The following MIPEP variants were observed in gnomAD, a reference collection of about 807,000 sequenced individuals.
The protein encoded by MIPEP is mitochondrial intermediate peptidase.
A neutral mutation model predicts 90.3 loss-of-function variants in MIPEP; 79 were observed. That is an observed-to-expected ratio of 0.87 (90% confidence interval 0.73 to 1.05). The LOEUF is 1.05. MIPEP is among the 50% of genes least tolerant of loss of function. MIPEP has a pLI of 0.00. For missense variants in MIPEP, 940 were observed against 905.6 expected (o/e 1.04, Z -0.49); for synonymous variants, 334 against 315.8 (o/e 1.06, Z -0.61).
rs117783455 is a variant in MIPEP, at chr13:23,814,623, C to A, written c.1654-4699G>T. Among the ~76,000 whole-genome samples, 5 of 152,220 alleles carry A rather than the reference C, an allele frequency of 3.3e-5. No homozygotes were observed. In the East Asian group the frequency reaches 9.6e-4, roughly 29 times the overall value. On this transcript the variant is annotated intron_variant, in intron 14 of 18. Coordinates refer to ENST00000382172, the MANE Select transcript of MIPEP (RefSeq NM_005932.4). Reference sequence around the variant, plus strand: ...TATTAAGAATGCTATAAATCAAGAACGTTTATATTAGCTAATTATGGTAAA... The same window carrying A: ...TATTAAGAATGCTATAAATCAAGAAAGTTTATATTAGCTAATTATGGTAAA...
rs926918993 is a variant in MIPEP at position 23,809,940 on chromosome 13, G to T, written c.1654-16C>A. 6.4e-7 allele frequency: 1 copy of T among 1,566,760 alleles called. No individual in the cohort carries two copies. On this transcript the variant is annotated splice_polypyrimidine_tract_variant and intron_variant, in intron 14 of 18. Transcript: ENST00000382172. ...TTGGCAGTGGCTTGATAAAACAAAA[G>T]AATATATATGTGAGTAAACTGCGTA... is the stretch of plus-strand genomic sequence containing the variant.
At position 23,862,376 on chromosome 13, in the gene MIPEP, T is replaced by C. The variant is rs1290003531; in HGVS notation, c.993-14A>G. The C allele has an allele frequency of 4.0e-6, 6 of 1,510,650 alleles. No individual in the cohort carries two copies. The South Asian group carries it at 7.2e-5, about 18-fold the overall frequency. 93.6% of individuals were successfully genotyped at this position (1,510,650 alleles called of 1,614,324 possible). On this transcript the variant is annotated splice_polypyrimidine_tract_variant and intron_variant, in intron 8 of 18. Coordinates refer to ENST00000382172, the MANE Select transcript of MIPEP (RefSeq NM_005932.4). The stretch of plus-strand genomic sequence containing the variant: ...TCTTTCAGAGTTCTATAAAACAGGT[T>C]TATCATTACTTGTTAGGACAAAATT...
chr13:23,869,150 C>G, intron 7 of MIPEP, 142 bp downstream of exon 7: 1 of 721,438 alleles, frequency 1.4e-6, no homozygotes. Context: ...AAAATGGTTC[C>G]TATAAAAATA....
At chr13:23,758,033 A>G (rs2098526574) in intron 17 of MIPEP, among the ~76,000 whole-genome samples, 1 of 152,194 alleles carries the variant, frequency 6.6e-6, no homozygotes, top group South Asian at 2.1e-4. Context: ...ATAGCATTAC[A>G]GTATCAAAAA....
chr13:23,852,475 T>A (rs1869839554), intron 10 of MIPEP, among the ~76,000 whole-genome samples: 1 of 152,160 alleles, frequency 6.6e-6, no homozygotes, highest in African/African-American at 2.4e-5. Context: ...CTACAGTGGG[T>A]GGTCCCTTGA....
intron 18 of MIPEP, among the ~76,000 whole-genome samples, chr13:23,736,167 G>A (rs909057520): frequency 6.6e-6 from 1 of 152,112 alleles, no homozygotes; most frequent in Non-Finnish European, 1.5e-5. Context: ...ATTTCACTCT[G>A]GAAATCACCT....
At chr13:23,835,241 G>A (rs1360882372) in intron 14 of MIPEP, among the ~76,000 whole-genome samples, 1 of 151,588 alleles carries the variant, frequency 6.6e-6, no homozygotes, top group Non-Finnish European at 1.5e-5. Context: ...GGCTGGTCTC[G>A]AACTCCCAAG....
chr13:23,788,147 G>A (rs767270228), intron 16 of MIPEP, among the ~76,000 whole-genome samples: 4 of 152,212 alleles, frequency 2.6e-5, no homozygotes, highest in Non-Finnish European at 5.9e-5. Context: ...CCACGTGTGT[G>A]ATCAATATTT....
chr13:23,785,648 A>G (rs1319107350), intron 16 of MIPEP, among the ~76,000 whole-genome samples: 1 of 151,506 alleles, frequency 6.6e-6, no homozygotes, highest in Admixed American at 6.6e-5. Flanking sequence ...AGAAAAAAAG[A>G]AAGAAGTCCT....
Position 23,836,279 on chromosome 13 carries a change from T to C in MIPEP, c.1614A>G (p.Arg538=). The change falls in exon 14 of 19, where the codon CGA becomes CGG. Residue 538 remains arginine, a synonymous_variant. Transcript: ENST00000382172. ...AATGTCTGGCAAATTGGTTAACTAC[T>C]CGATAATCATTTGCAAAGTACTCCA... ...ILMEYFANDY[R]VVNQFARHYQ... The C allele has an allele frequency of 6.2e-7, 1 of 1,606,996 alleles. No individual in the cohort carries two copies. Among genetic ancestry groups the C allele is most frequent in the South Asian group, 1.1e-5 (1 of 89,292 alleles).
At chr13:23,759,485 C>T (rs182411173) in intron 17 of MIPEP, among the ~76,000 whole-genome samples, 2 of 149,662 alleles carry the variant, frequency 1.3e-5, no homozygotes, top group Non-Finnish European at 1.5e-5. Context: ...CAGCACGGGA[C>T]GGGATCCCCC....
intron 12 of MIPEP, among the ~76,000 whole-genome samples, chr13:23,839,101 T>C (rs1476146426): frequency 6.6e-6 from 1 of 152,254 alleles, no homozygotes; most frequent in Non-Finnish European, 1.5e-5. Flanking sequence ...GAAAAGGAGA[T>C]GAGCTGCCTC....
intron 6 of MIPEP, 32 bp downstream of exon 6, chr13:23,869,981 C>T (rs1251532967): frequency 6.6e-7 from 1 of 1,504,900 alleles, no homozygotes. Context: ...ACAAATGGGA[C>T]CTAAACAACA....
chr13:23,752,286 T>C (rs1485606854), intron 18 of MIPEP, among the ~76,000 whole-genome samples: 2 of 152,214 alleles, frequency 1.3e-5, no homozygotes, highest in East Asian at 3.8e-4. Flanking sequence ...ACAATTGCCA[T>C]TCACAAACTG....
In MIPEP at chr13:23,803,327, C is replaced by T. The variant is rs541845898; in HGVS notation, c.1848+2623G>A. 1.2e-4 allele frequency among the ~76,000 whole-genome samples: 18 copies of T among 152,228 alleles called. No homozygotes were observed. The Middle Eastern group carries it at 0.014, about 115-fold the overall frequency. ...GCAGTGAGCCAATACTGCGCCACTG[C>T]ACTCCAGACTAGGAGTCAAAGCAAG... On this transcript the variant is annotated intron_variant, in intron 16 of 18. Coordinates refer to ENST00000382172, the MANE Select transcript of MIPEP (RefSeq NM_005932.4).
rs537936490 is a variant in MIPEP, at chr13:23,856,188, A to C, written c.1106+2672T>G. Among the ~76,000 whole-genome samples the C allele has an allele frequency of 2.6e-5, 4 of 152,356 alleles. No homozygotes were observed. The South Asian group carries it at 8.3e-4, about 32-fold the overall frequency. The stretch of plus-strand genomic sequence containing the variant: ...TAAGCACAGCGGAGCCAGGAGCTAC[A>C]CAAGGCTAGTGCAGACTCAGCAGCT... On this transcript the variant is annotated intron_variant, in intron 10 of 18. Transcript: ENST00000382172.
intron 14 of MIPEP, among the ~76,000 whole-genome samples, chr13:23,830,613 G>A (rs1868693294): frequency 6.6e-6 from 1 of 152,136 alleles, no homozygotes; most frequent in African/African-American, 2.4e-5. Flanking sequence ...TTTACAAGAA[G>A]AATCTCCTGA....
At chr13:23,813,159 A>T (rs778430977) in intron 14 of MIPEP, among the ~76,000 whole-genome samples, 5 of 152,218 alleles carry the variant, frequency 3.3e-5, no homozygotes, top group Admixed American at 1.3e-4. Flanking sequence ...ATTTTCTTTT[A>T]AAGTTGTATC....
At chr13:23,815,015 T>C (rs1313227177) in intron 14 of MIPEP, among the ~76,000 whole-genome samples, 1 of 152,226 alleles carries the variant, frequency 6.6e-6, no homozygotes, top group Non-Finnish European at 1.5e-5. Context: ...ATATTATCTT[T>C]TCATAGGATG....
Sources: allele counts gnomAD v4.1 joint callset (sites outside exome capture counted in the v4.1 genomes callset), GRCh38; gene constraint gnomAD v4.1.1; transcripts MANE v1.5; gene names NCBI Gene and HGNC (gene_info 2026-07-23, HGNC 2026-07-21).